The following CFAP58 variants were observed in gnomAD, a reference collection of about 807,000 sequenced individuals.
CFAP58 encodes the protein cilia and flagella associated protein 58, also known as cilia- and flagella-associated protein 58.
A neutral mutation model predicts 119.5 loss-of-function variants in CFAP58; 88 were observed. That is an observed-to-expected ratio of 0.74 (90% confidence interval 0.62 to 0.88). The LOEUF is 0.88. Ranked by LOEUF, CFAP58 falls within the 40% of genes least tolerant of loss-of-function variation. CFAP58 has a pLI of 0.00. For synonymous variants in CFAP58, 365 were observed against 366.3 expected (o/e 1.00, Z 0.04); for missense variants, 990 against 1,021.2 (o/e 0.97, Z 0.42).
the CFAP58 span, among the ~76,000 whole-genome samples, chr10:104,341,614 A>T: frequency 1.3e-5 from 2 of 151,858 alleles, no homozygotes; most frequent in African/African-American, 4.8e-5. Flanking sequence ...TCTAATAAAA[A>T]TAGCTCATTG....
the CFAP58 span, among the ~76,000 whole-genome samples, chr10:104,340,937 G>GA: frequency 2.0e-5 from 3 of 152,170 alleles, no homozygotes; most frequent in East Asian, 5.8e-4. Context: ...TCGCGGGAAG[G>GA]AAACTTGTGG....
chr10:104,382,051 A>G (rs943839987), intron 9 of CFAP58: 5 of 714,918 alleles, frequency 7.0e-6, no homozygotes, highest in Non-Finnish European at 1.3e-5. Context: ...CGCAGCAATA[A>G]AGATCTATGT....
intron 15 of CFAP58, among the ~76,000 whole-genome samples, chr10:104,434,104 GCCTCTGTTT>G (rs2012893349): frequency 1.3e-5 from 2 of 152,216 alleles, no homozygotes; most frequent in South Asian, 4.1e-4. Context: ...GCCTCACTCA[GCCTCTGTTT>G]CCTCTGCTGT....
chr10:104,402,525 C>T (rs2012283705), intron 13 of CFAP58, among the ~76,000 whole-genome samples: 2 of 152,128 alleles, frequency 1.3e-5, no homozygotes, highest in Admixed American at 1.3e-4. Flanking sequence ...TCCTTATTGC[C>T]CATGTCAATG....
intron 9 of CFAP58, among the ~76,000 whole-genome samples, chr10:104,391,713 C>T (rs913229786): frequency 9.9e-5 from 15 of 152,146 alleles, no homozygotes; most frequent in Non-Finnish European, 1.6e-4. Context: ...TGCATTTTTA[C>T]GGAGTGCTTT....
Position 104,420,425 on chromosome 10 carries a change from C to T in CFAP58, c.2256+13632C>T, listed in dbSNP as rs2012636995. On this transcript the variant is annotated intron_variant, in intron 15 of 17. Transcript: ENST00000369704. ...TACCTTAAACACTTGTAATTTCAGC[C>T]AACCTGAGGAGAGACACAGATGACT... Among the ~76,000 whole-genome samples the T allele has an allele frequency of 2.6e-5, 4 of 152,286 alleles. No homozygotes were observed. In the South Asian group the frequency reaches 8.3e-4, roughly 32 times the overall value.
In CFAP58 at chr10:104,410,834, G is replaced by A. The variant is rs142153241; in HGVS notation, c.2256+4041G>A. Among the ~76,000 whole-genome samples the A allele has an allele frequency of 1.8e-3, 279 of 152,184 alleles. 1 individual carries two copies. Among genetic ancestry groups the A allele is most frequent in the African/African-American group, 6.1e-3 (255 of 41,528 alleles). ...CTCCTGGAACTCTTATTAGAAGTAC[G>A]TTGGGTTTTCTTATTCTTTTTTCCT... is the stretch of plus-strand genomic sequence containing the variant. On this transcript the variant is annotated intron_variant, in intron 15 of 17. Transcript: ENST00000369704.
chr10:104,340,078 T>C, the CFAP58 span, among the ~76,000 whole-genome samples: 5 of 152,328 alleles, frequency 3.3e-5, no homozygotes, highest in East Asian at 9.6e-4. Context: ...ATAAGGAATA[T>C]TTATTATATT....
At chr10:104,396,136 G>C (rs933150803) in intron 11 of CFAP58, among the ~76,000 whole-genome samples, 2 of 152,180 alleles carry the variant, frequency 1.3e-5, no homozygotes, top group African/African-American at 4.8e-5. Context: ...AGCACTGAAG[G>C]AACCATCTCA....
chr10:104,349,311 C>T (rs113706362), upstream of CFAP58, among the ~76,000 whole-genome samples: 367 of 152,170 alleles, frequency 2.4e-3, 3 homozygotes, highest in African/African-American at 7.8e-3. Context: ...GATTTCCTCA[C>T]AGTTATGGAG....
At position 104,390,158 on chromosome 10, in the gene CFAP58, C is replaced by G. The variant is rs78306452; in HGVS notation, c.1366-2075C>G. Among the ~76,000 whole-genome samples, 292 of 152,304 alleles carry G rather than the reference C, an allele frequency of 1.9e-3. 1 individual carries two copies. The highest frequency in any genetic ancestry group is 6.8e-3 in the African/African-American group (282 of 41,564). ...TCCCACAGAAATAAATGCACAAGTG[C>G]ATGAGAATACACATACAAAAATGTT... On this transcript the variant is annotated intron_variant, in intron 9 of 17. Coordinates refer to ENST00000369704, the MANE Select transcript of CFAP58 (RefSeq NM_001008723.2).
chr10:104,358,673 C>A lies in CFAP58; in HGVS notation c.291+51C>A, dbSNP rs1398750092. ...GAACCTGAATTTAAAACATCATTCT[C>A]TCATTATATTGGCACCTCTAGGCTG... On this transcript the variant is annotated intron_variant, in intron 2 of 17. Coordinates refer to ENST00000369704, the MANE Select transcript of CFAP58 (RefSeq NM_001008723.2). 3 of 1,548,688 alleles carry A rather than the reference C, an allele frequency of 1.9e-6. No individual in the cohort carries two copies. In the African/African-American group the frequency reaches 4.1e-5, roughly 21 times the overall value.
intron 5 of CFAP58, 78 bp from the exon 6 acceptor site, chr10:104,368,345 T>G: frequency 6.9e-7 from 1 of 1,449,762 alleles, no homozygotes; most frequent in Non-Finnish European, 9.3e-7. Context: ...CCAGGAGGTT[T>G]GTGGGGCCCC....
chr10:104,402,331 C>A (rs1200083038), intron 13 of CFAP58, among the ~76,000 whole-genome samples: 1 of 152,192 alleles, frequency 6.6e-6, no homozygotes, highest in Non-Finnish European at 1.5e-5. Flanking sequence ...TAAAAATATG[C>A]TTTTAATTCT....
chr10:104,394,385 A>C (rs11192037), intron 11 of CFAP58, among the ~76,000 whole-genome samples: 23,620 of 152,246 alleles, frequency 0.16, 2,053 homozygotes, highest in Middle Eastern at 0.33. Context: ...TGTTTACAAC[A>C]AATTAGAGAC....
chr10:104,353,769 G>A (rs1471615528), upstream of CFAP58: 3 of 1,141,020 alleles, frequency 2.6e-6, no homozygotes, highest in African/African-American at 1.5e-5. Flanking sequence ...CCGACGCGCC[G>A]AGCGCGGGTT....
At chr10:104,339,838 C>T in the CFAP58 span, among the ~76,000 whole-genome samples, 1 of 152,126 alleles carries the variant, frequency 6.6e-6, no homozygotes, top group Non-Finnish European at 1.5e-5. Context: ...CTTGAAAGAG[C>T]TGTATTTCCA....
At chr10:104,367,134 C>T (rs757617048) in intron 5 of CFAP58, among the ~76,000 whole-genome samples, 3 of 152,096 alleles carry the variant, frequency 2.0e-5, no homozygotes, top group Non-Finnish European at 4.4e-5. Flanking sequence ...GCTAGGATTA[C>T]AGGCATGAGC....
chr10:104,372,159 C>G (rs768176300), intron 7 of CFAP58, among the ~76,000 whole-genome samples: 1 of 152,130 alleles, frequency 6.6e-6, no homozygotes, highest in Non-Finnish European at 1.5e-5. Context: ...TCGAGATCAG[C>G]CTGGCCAACA....
Sources: allele counts gnomAD v4.1 joint callset (sites outside exome capture counted in the v4.1 genomes callset), GRCh38; gene constraint gnomAD v4.1.1; transcripts MANE v1.5; gene names NCBI Gene and HGNC (gene_info 2026-07-23, HGNC 2026-07-21).